Variants in PTGER4 observed in about 807,000 individuals in gnomAD.
The protein encoded by PTGER4 is prostaglandin E receptor 4, also known as prostaglandin E2 receptor EP4 subtype.
Under a neutral mutation model 33.2 loss-of-function variants are expected in PTGER4, and 11 were observed. The ratio of observed to expected loss-of-function variants is 0.33; its 90% CI spans 0.21 to 0.55. The LOEUF (loss-of-function observed/expected upper bound fraction) is 0.55. PTGER4 is among the 20% of genes least tolerant of loss of function. PTGER4 has a pLI of 0.92. For missense variants in PTGER4, 481 were observed against 650.2 expected (o/e 0.74, Z 2.83); for synonymous variants, 275 against 281.5 (o/e 0.98, Z 0.23).
At chr5:40,718,692 T>C in the PTGER4 span, among the ~76,000 whole-genome samples, 1 of 151,076 alleles carries the variant, frequency 6.6e-6, no homozygotes, top group African/African-American at 2.4e-5. Flanking sequence ...GAGCCGAGAT[T>C]GCACCACCGC....
At position 40,681,443 on chromosome 5, in the gene PTGER4, T is replaced by C. The variant is rs1741185876; in HGVS notation, c.450T>C (p.Phe150=). 8 of 1,613,864 alleles carry C rather than the reference T, an allele frequency of 5.0e-6. No homozygotes were observed. Among genetic ancestry groups the C allele is most frequent in the Non-Finnish European group, 5.1e-6 (6 of 1,180,026 alleles). Residue 150 remains phenylalanine, a synonymous_variant, in exon 2 of 3, where the codon TTT becomes TTC. Coordinates refer to ENST00000302472, the MANE Select transcript of PTGER4 (RefSeq NM_000958.3). This position sits in a 1 kb window ranked among gnomAD's most constrained non-coding sequence, Gnocchi z 9.8. ...CAGTCTATGCGTCCAACGTGCTCTTTTGCGCGCTGCCCAACATGGGTCTCG... is the reference window on the plus strand; with the variant it reads ...CAGTCTATGCGTCCAACGTGCTCTTCTGCGCGCTGCCCAACATGGGTCTCG... The part of the protein sequence containing the change: ...LFAVYASNVL[F]CALPNMGLGS...
At chr5:40,732,141 C>T in the PTGER4 span, among the ~76,000 whole-genome samples, 1 of 152,164 alleles carries the variant, frequency 6.6e-6, no homozygotes, top group Non-Finnish European at 1.5e-5. Context: ...TACTGAGTAG[C>T]TAGGACTACA....
the PTGER4 span, among the ~76,000 whole-genome samples, chr5:40,738,378 G>A: frequency 0.69 from 103,681 of 150,402 alleles, 35,794 homozygotes; most frequent in East Asian, 0.8. Context: ...TCATGCCACT[G>A]CAGTCCAGCC....
At chr5:40,732,388 C>T in the PTGER4 span, among the ~76,000 whole-genome samples, 16 of 151,562 alleles carry the variant, frequency 1.1e-4, no homozygotes, top group Non-Finnish European at 1.5e-4. Flanking sequence ...AAGGACTGTC[C>T]AAGTCCTGCA....
the PTGER4 span, among the ~76,000 whole-genome samples, chr5:40,742,353 G>T: frequency 1.3e-5 from 2 of 152,154 alleles, no homozygotes; most frequent in South Asian, 4.1e-4. Context: ...TATTTATTGA[G>T]TATTTACTAC....
chr5:40,696,867 T>G, downstream of PTGER4: 2 of 279,416 alleles, frequency 7.2e-6, no homozygotes, highest in Non-Finnish European at 1.1e-5. Flanking sequence ...GCAACAGCTC[T>G]GCAATAGGGC....
At chr5:40,698,138 G>A (rs902453358), downstream of PTGER4, among the ~76,000 whole-genome samples, 2 of 135,738 alleles carry the variant, frequency 1.5e-5, no homozygotes, top group Non-Finnish European at 3.1e-5. Flanking sequence ...AATTAGCCAG[G>A]CATGGGGGCA....
the PTGER4 span, among the ~76,000 whole-genome samples, chr5:40,712,977 CATTTT>C: frequency 1.3e-5 from 2 of 152,038 alleles, no homozygotes; most frequent in Admixed American, 1.3e-4. Context: ...TCCTTTATTT[CATTTT>C]ATTTCTGTTT....
At position 40,693,669 on chromosome 5, in the gene PTGER4, A is replaced by G. The variant is rs1299806516; in HGVS notation, c.*1291A>G. ...ATTAAATTCTGAGCCTGATATTGAT[A>G]TGGTTTTAAGAAGCAGTTGTACCAA... On this transcript the variant is annotated 3_prime_UTR_variant, in exon 3 of 3. Coordinates refer to ENST00000302472, the MANE Select transcript of PTGER4 (RefSeq NM_000958.3). 1 of 981,318 alleles carries G rather than the reference A, an allele frequency of 1.0e-6. No homozygotes were observed. Among genetic ancestry groups the G allele is most frequent in the Non-Finnish European group, 1.2e-6 (1 of 825,782 alleles). 60.8% of individuals were successfully genotyped at this position (981,318 alleles called of 1,614,324 possible). A position where few individuals can be genotyped will look rare whatever the true frequency, so the allele number is the denominator to read the frequency against.
chr5:40,703,780 G>A, the PTGER4 span, among the ~76,000 whole-genome samples: 1 of 151,596 alleles, frequency 6.6e-6, no homozygotes, highest in Non-Finnish European at 1.5e-5. Flanking sequence ...GCAGATGCCT[G>A]TAGTCTCAGC....
the PTGER4 span, among the ~76,000 whole-genome samples, chr5:40,701,467 T>TGA: frequency 2.7e-5 from 4 of 150,792 alleles, no homozygotes; most frequent in Admixed American, 2.6e-4. Flanking sequence ...AATAAGACAA[T>TGA]CAGACAAAAA....
the PTGER4 span, among the ~76,000 whole-genome samples, chr5:40,725,580 G>T: frequency 6.6e-6 from 1 of 152,092 alleles, no homozygotes; most frequent in Admixed American, 6.6e-5. Context: ...AAGCCACAAA[G>T]CTAGTTCCAG....
the PTGER4 span, among the ~76,000 whole-genome samples, chr5:40,721,176 T>G: frequency 6.6e-6 from 1 of 152,238 alleles, no homozygotes; most frequent in East Asian, 1.9e-4. Context: ...TTACCTGTAG[T>G]GGAGTACTGA....
At position 40,692,057 on chromosome 5, in the gene PTGER4, C is replaced by T; in HGVS notation, c.1146C>T (p.Ser382=). 1 of 1,614,248 alleles carries T rather than the reference C, an allele frequency of 6.2e-7. No individual in the cohort carries two copies. Residue 382 remains serine, a synonymous_variant, in exon 3 of 3, where the codon TCC becomes TCT. Transcript: ENST00000302472. The part of the protein sequence containing the change: ...AMSGHSRSFI[S]RELKEISSTS... Reference sequence around the variant, plus strand: ...CAGGCCACTCTCGCTCCTTCATCTCCCGGGAGCTGAAGGAGATCAGCAGTA... The same window carrying T: ...CAGGCCACTCTCGCTCCTTCATCTCTCGGGAGCTGAAGGAGATCAGCAGTA...
the PTGER4 span, among the ~76,000 whole-genome samples, chr5:40,719,261 T>A: frequency 6.6e-6 from 1 of 152,234 alleles, no homozygotes; most frequent in Admixed American, 6.5e-5. Flanking sequence ...TTAATTTACT[T>A]GCTATTGCTA....
At chr5:40,746,481 C>A in the PTGER4 span, among the ~76,000 whole-genome samples, 1 of 152,060 alleles carries the variant, frequency 6.6e-6, no homozygotes, top group Non-Finnish European at 1.5e-5. Flanking sequence ...ATAAGACCAC[C>A]TTTTACTGAC....
In PTGER4 at chr5:40,691,644, G is replaced by A. The variant is rs564631793; in HGVS notation, c.868-135G>A. The A allele has an allele frequency of 7.9e-6, 10 of 1,261,878 alleles. No individual in the cohort carries two copies. The highest frequency in any genetic ancestry group is 3.1e-5 in the South Asian group (2 of 64,372). 78.2% of individuals were successfully genotyped at this position (1,261,878 alleles called of 1,614,324 possible). On this transcript the variant is annotated intron_variant, in intron 2 of 2. Coordinates refer to ENST00000302472, the MANE Select transcript of PTGER4 (RefSeq NM_000958.3). This position sits in a 1 kb window ranked among gnomAD's most constrained non-coding sequence, Gnocchi z 4.2. ...GACTGGTTTTTCTGAGGCTTATTAT[G>A]TAGCTTCCTCTTTTCCTGGAACTTG...
At chr5:40,715,235 TC>T in the PTGER4 span, 1 of 152,076 alleles carries the variant, frequency 6.6e-6, no homozygotes, top group Non-Finnish European at 1.5e-5. Flanking sequence ...GAAAAGTAAT[TC>T]CCAGTCATCA....
At chr5:40,701,212 A>G in the PTGER4 span, among the ~76,000 whole-genome samples, 1 of 152,274 alleles carries the variant, frequency 6.6e-6, no homozygotes, top group South Asian at 2.1e-4. Context: ...AGAATTCAGA[A>G]TATGGATAGG....
Sources: gnomAD v4.1 joint callset for allele counts (sites outside exome capture counted in the v4.1 genomes callset) on GRCh38, gnomAD v4.1.1 for gene constraint, Gnocchi (gnomAD v3.1) non-coding constraint, MANE v1.5 for transcripts, NCBI Gene and HGNC (gene_info 2026-07-23, HGNC 2026-07-21) for gene names.